Variants in SLC6A19 observed in about 807,000 individuals in gnomAD.
The protein encoded by SLC6A19 is sodium-dependent neutral amino acid transporter B(0)AT1.
SLC6A19 carries 67 observed loss-of-function variants against 68.3 expected under a neutral mutation model. That is an observed-to-expected ratio of 0.98 (90% CI 0.81 to 1.20). SLC6A19 has a LOEUF of 1.20. Ranked by LOEUF, SLC6A19 falls within the 50% of genes most tolerant of loss-of-function variation. The probability of loss-of-function intolerance (pLI) is 0.00; values close to 1 mark genes in which losing one functional copy is unlikely to be tolerated. For missense variants in SLC6A19, 813 were observed against 851.6 expected (o/e 0.95, Z 0.56); for synonymous variants, 392 against 374.9 (o/e 1.05, Z -0.53).
chr5:1,214,169 G>A lies in SLC6A19; in HGVS notation c.887+104G>A. ...AAAGCACTCTGTGGCTGTGTGGCCG[G>A]GGCCTTGCTGCCCCGATGGGCCCGT... On this transcript the variant is annotated intron_variant, in intron 6 of 11. Transcript: ENST00000304460. This position sits in a 1 kb window ranked among gnomAD's most constrained non-coding sequence, Gnocchi z 7.4. The A allele has an allele frequency of 6.4e-7, 1 of 1,565,778 alleles. No homozygotes were observed. Among genetic ancestry groups the A allele is most frequent in the Admixed American group, 1.9e-5 (1 of 53,796 alleles).
At chr5:1,218,691 G>A (rs966791667) in intron 8 of SLC6A19, among the ~76,000 whole-genome samples, 6 of 152,324 alleles carry the variant, frequency 3.9e-5, no homozygotes, top group Non-Finnish European at 8.8e-5. Flanking sequence ...TCTGAGTGCC[G>A]CTTGGTGATG....
intron 9 of SLC6A19, 146 bp downstream of exon 9, chr5:1,219,253 C>G (rs1038732827): frequency 1.9e-6 from 2 of 1,048,136 alleles, no homozygotes; most frequent in East Asian, 2.7e-5. Context: ...GCGTGCAGCC[C>G]CCAGGCGTGT....
Position 1,210,587 on chromosome 5 carries a change from T to C in SLC6A19, c.481+6T>C. On this transcript the variant is annotated splice_donor_region_variant and intron_variant, in intron 3 of 11. Coordinates refer to ENST00000304460, the MANE Select transcript of SLC6A19 (RefSeq NM_001003841.3). ...GCTCAACGAGAACCAGACAGGTGAG[T>C]CCTTGCAAGCAGCCCCATCCGTCTC... 6.2e-7 allele frequency: 1 copy of C among 1,612,142 alleles called. No homozygotes were observed. The highest frequency in any genetic ancestry group is 8.5e-7 in the Non-Finnish European group (1 of 1,179,968).
intron 1 of SLC6A19, among the ~76,000 whole-genome samples, chr5:1,205,821 T>C (rs1035327724): frequency 2.6e-5 from 4 of 152,200 alleles, no homozygotes; most frequent in Non-Finnish European, 5.9e-5. Context: ...CAGGCCCTGC[T>C]GGGGTCTTGG....
chr5:1,201,756 GACA>G lies in SLC6A19; in HGVS notation c.111_113del (p.Asn37del), dbSNP rs769995015. On this transcript the variant is annotated inframe_deletion, in exon 1 of 12. Transcript: ENST00000304460. ...GGAGGCCAGCTCCCGGCCGAAGTGG[GACA>G]ACAAGGCGCAGTACATGCTCACCTG... The G allele has an allele frequency of 6.2e-6, 10 of 1,612,832 alleles. No homozygotes were observed. The East Asian group carries it at 6.7e-5, about 11-fold the overall frequency.
At position 1,217,107 on chromosome 5, in the gene SLC6A19, C is replaced by T. The variant is rs373471429; in HGVS notation, c.1173+162C>T. 2.1e-3 allele frequency among the ~76,000 whole-genome samples: 315 copies of T among 152,366 alleles called. 1 individual carries two copies. The highest frequency in any genetic ancestry group is 7.3e-3 in the African/African-American group (302 of 41,586). On this transcript the variant is annotated intron_variant, in intron 8 of 11. Transcript: ENST00000304460. ...GCTCTGCCTGGCGTCCAGGGCTCTT[C>T]GGTCTGGGGCGCTGGTGTCTGCCAG...
Position 1,212,509 on chromosome 5 carries a change from G to C in SLC6A19, c.663+25G>C. ...GGTACTGCATGGGCCCGGCCAGGCT[G>C]CAGGTGCTCCAGAGGGCGGGTGCGG... On this transcript the variant is annotated intron_variant, in intron 4 of 11. Transcript: ENST00000304460. The surrounding 1 kb of genome is among the most constrained non-coding windows in gnomAD (Gnocchi z 5.1). The C allele has an allele frequency of 6.2e-7, 1 of 1,602,996 alleles. No homozygotes were observed. The highest frequency in any genetic ancestry group is 1.3e-5 in the African/African-American group (1 of 74,950).
At chr5:1,205,276 T>C (rs1319106710) in intron 1 of SLC6A19, among the ~76,000 whole-genome samples, 1 of 152,256 alleles carries the variant, frequency 6.6e-6, no homozygotes, top group East Asian at 1.9e-4. Flanking sequence ...AAGAAGTCGC[T>C]GCGTTTAAAA....
At position 1,201,762 on chromosome 5, in the gene SLC6A19, A is replaced by G; in HGVS notation, c.112A>G (p.Lys38Glu). Residue 38 changes from lysine to glutamate, a missense_variant, in exon 1 of 12, where the codon AAG becomes GAG. Physicochemically the swap from Lys to Glu is moderately conservative, Grantham distance 56. Transcript: ENST00000304460. ...CAGCTCCCGGCCGAAGTGGGACAAC[A>G]AGGCGCAGTACATGCTCACCTGCCT... ...EASSRPKWDN[K>E]AQYMLTCLGF... 1.9e-6 allele frequency: 3 copies of G among 1,612,810 alleles called. No individual in the cohort carries two copies. Among genetic ancestry groups the G allele is most frequent in the Non-Finnish European group, 2.5e-6 (3 of 1,179,910 alleles).
chr5:1,213,236 G>A (rs529652239), intron 4 of SLC6A19, among the ~76,000 whole-genome samples: 1 of 50,618 alleles, frequency 2.0e-5, no homozygotes, highest in Admixed American at 2.4e-4. Flanking sequence ...GCCCTCCGCA[G>A]GCCCCGCCCC....
chr5:1,214,429 C>T lies in SLC6A19; in HGVS notation c.887+364C>T, dbSNP rs536903042. Among the ~76,000 whole-genome samples the T allele has an allele frequency of 1.6e-4, 25 of 152,282 alleles. No individual in the cohort carries two copies. Among genetic ancestry groups the T allele is most frequent in the Non-Finnish European group, 2.6e-4 (18 of 68,012 alleles). On this transcript the variant is annotated intron_variant, in intron 6 of 11. Transcript: ENST00000304460. The surrounding 1 kb of genome is among the most constrained non-coding windows in gnomAD (Gnocchi z 7.4). ...GCCCCCAGACATGTGGCGCCCCCGA[C>T]GCCCTCCACGTCCCCGACCAAGGTC...
Position 1,213,528 on chromosome 5 carries a change from G to T in SLC6A19, c.729G>T (p.Thr243=), listed in dbSNP as rs747947334. 1 of 1,610,480 alleles carries T rather than the reference G, an allele frequency of 6.2e-7. No homozygotes were observed. Among genetic ancestry groups the T allele is most frequent in the Non-Finnish European group, 8.5e-7 (1 of 1,179,276 alleles). Residue 243 remains threonine, a synonymous_variant, in exon 5 of 12, where the codon ACG becomes ACT. Coordinates refer to ENST00000304460, the MANE Select transcript of SLC6A19 (RefSeq NM_001003841.3). ...VLTIFLIRGL[T]LKGATNGIVF... ...CCATCTTCCTCATCCGAGGCCTGACGCTGAAGGGCGCCACCAATGGCATCG... is the reference window on the plus strand; with the variant it reads ...CCATCTTCCTCATCCGAGGCCTGACTCTGAAGGGCGCCACCAATGGCATCG...
intron 1 of SLC6A19, among the ~76,000 whole-genome samples, chr5:1,202,383 G>T (rs544747321): frequency 6.6e-6 from 1 of 152,136 alleles, no homozygotes; most frequent in Non-Finnish European, 1.5e-5. Flanking sequence ...GCCGGGAGCC[G>T]CTGTGCCCAC....
chr5:1,213,141 T>C, intron 4 of SLC6A19, among the ~76,000 whole-genome samples: 1 of 49,366 alleles, frequency 2.0e-5, no homozygotes, highest in African/African-American at 8.6e-5. Flanking sequence ...CCCCAACCCC[T>C]GTAGGCCTGG....
Position 1,212,337 on chromosome 5 carries a change from G to C in SLC6A19, c.516G>C (p.Val172=). The C allele has an allele frequency of 1.2e-6, 2 of 1,613,636 alleles. No homozygotes were observed. Among genetic ancestry groups the C allele is most frequent in the Non-Finnish European group, 1.7e-6 (2 of 1,179,938 alleles). ...YVDECARSSP[V]DYFWYRETLN... is the part of the protein sequence containing the mutation. ...ACGAGTGCGCCAGGAGCTCCCCTGT[G>C]GACTACTTCTGGTACCGAGAGACGC... Residue 172 remains valine, a synonymous_variant, in exon 4 of 12, where the codon GTG becomes GTC. Transcript: ENST00000304460. The surrounding 1 kb of genome is among the most constrained non-coding windows in gnomAD (Gnocchi z 5.1).
intron 7 of SLC6A19, 40 bp downstream of exon 7, chr5:1,216,726 C>T: frequency 6.2e-7 from 1 of 1,613,720 alleles, no homozygotes; most frequent in Non-Finnish European, 8.5e-7. Flanking sequence ...TTGGGCTGCG[C>T]CTCCAGGAAG....
rs1382038114 is a variant in SLC6A19, at chr5:1,209,428, T to A, written c.343+542T>A. On this transcript the variant is annotated intron_variant, in intron 2 of 11. Coordinates refer to ENST00000304460, the MANE Select transcript of SLC6A19 (RefSeq NM_001003841.3). The surrounding 1 kb of genome is among the most constrained non-coding windows in gnomAD (Gnocchi z 5.5). ...GGGCAGGGTCCACTCCAGAGAGGAGTCTGAGTCCAGGAAGCACCTGCCCTT... is the reference window on the plus strand; with the variant it reads ...GGGCAGGGTCCACTCCAGAGAGGAGACTGAGTCCAGGAAGCACCTGCCCTT... Among the ~76,000 whole-genome samples the A allele has an allele frequency of 6.6e-6, 1 of 151,450 alleles. No individual in the cohort carries two copies. Among genetic ancestry groups the A allele is most frequent in the Non-Finnish European group, 1.5e-5 (1 of 67,842 alleles).
intron 5 of SLC6A19, 136 bp from the exon 6 acceptor site, chr5:1,213,817 G>T (rs1035376444): frequency 8.4e-6 from 12 of 1,421,304 alleles, no homozygotes; most frequent in South Asian, 2.4e-5. Context: ...AGGCATAGCT[G>T]CCACCCCAGG....
chr5:1,207,235 G>T (rs1745881097), intron 1 of SLC6A19, among the ~76,000 whole-genome samples: 1 of 152,228 alleles, frequency 6.6e-6, no homozygotes, highest in African/African-American at 2.4e-5. Context: ...TGCCAAGGCT[G>T]TGTCCCTCCT....
Sources: allele counts gnomAD v4.1 joint callset (sites outside exome capture counted in the v4.1 genomes callset), GRCh38; gene constraint gnomAD v4.1.1; non-coding constraint Gnocchi (gnomAD v3.1); transcripts MANE v1.5; gene names NCBI Gene and HGNC (gene_info 2026-07-23, HGNC 2026-07-21).